The following HID1 variants were observed in gnomAD, a reference collection of about 807,000 sequenced individuals.
HID1 encodes HID1 domain containing, also known as protein HID1.
In HID1, 42 loss-of-function variants were observed where a neutral mutation model predicts 89.7. That is an observed-to-expected ratio of 0.47 (90% confidence interval 0.37 to 0.61). HID1 has a LOEUF of 0.61. Ranked by LOEUF, HID1 falls within the 20% of genes least tolerant of loss-of-function variation. The pLI is 0.00. For missense variants in HID1, 854 were observed against 1,039.3 expected (o/e 0.82, Z 2.45); for synonymous variants, 442 against 433.8 (o/e 1.02, Z -0.24).
In HID1 at chr17:74,958,627, C is replaced by G; in HGVS notation, c.1240+46G>C. 1.3e-6 allele frequency: 2 copies of G among 1,598,674 alleles called. No homozygotes were observed. The highest frequency in any genetic ancestry group is 4.5e-5 in the East Asian group (2 of 44,726). The stretch of plus-strand genomic sequence containing the variant: ...AGGGCAGATAGCCAGCCCTCCACCT[C>G]GCCGCCAGGAAAGCCCCCAGCATCC... On this transcript the variant is annotated intron_variant, in intron 10 of 18. Transcript: ENST00000425042. The surrounding 1 kb of genome is among the most constrained non-coding windows in gnomAD (Gnocchi z 5.2).
intron 2 of HID1, 36 bp from the exon 3 acceptor site, chr17:74,963,946 A>C: frequency 6.2e-7 from 1 of 1,610,300 alleles, no homozygotes; most frequent in Non-Finnish European, 8.5e-7. Context: ...GCAGGCTGGA[A>C]GGTGGGGAAA....
Position 74,958,195 on chromosome 17 carries a change from C to T in HID1, c.1417G>A (p.Gly473Arg), listed in dbSNP as rs986756577. 5.6e-6 allele frequency: 9 copies of T among 1,611,112 alleles called. No homozygotes were observed. Among genetic ancestry groups the T allele is most frequent in the African/African-American group, 4.0e-5 (3 of 74,854 alleles). Residue 473 changes from glycine to arginine, a missense_variant, in exon 12 of 19, where the codon GGG becomes AGG. Transcript: ENST00000425042. This position sits in a 1 kb window ranked among gnomAD's most constrained non-coding sequence, Gnocchi z 5.2. ...AAGAGGGGCTGCAACCGCTGGTGCC[C>T]GCTGGTGATGATCTTGTGGAACACC... ...IVVFHKIITS[G>R]HQRLQPLFDC...
In HID1 at chr17:74,953,449, G is replaced by A. The variant is rs544451443; in HGVS notation, c.1971+96C>T. ...CTGGGTAACTGCCCCTCTGCTGCAG[G>A]TGACCCCAGAGTGCCCCGGCCCAGC... On this transcript the variant is annotated intron_variant, in intron 15 of 18. Coordinates refer to ENST00000425042, the MANE Select transcript of HID1 (RefSeq NM_030630.3). 5.4e-6 allele frequency: 5 copies of A among 934,348 alleles called. No individual in the cohort carries two copies. In the East Asian group the frequency reaches 1.3e-4, roughly 25 times the overall value. 57.9% of individuals were successfully genotyped at this position (934,348 alleles called of 1,614,324 possible). A position where few individuals can be genotyped will look rare whatever the true frequency, so the allele number is the denominator to read the frequency against.
At chr17:74,953,693 T>C in intron 14 of HID1, 42 bp from the exon 15 acceptor site, 1 of 1,500,058 alleles carries the variant, frequency 6.7e-7, no homozygotes, top group Non-Finnish European at 9.3e-7. Flanking sequence ...CCTGCCACAG[T>C]GACCCTTCTA....
chr17:74,951,935 C>G lies in HID1; in HGVS notation c.2273G>C (p.Arg758Pro). ...QANSGTAMWF[R>P]TYMWGVIYLR... is the part of the protein sequence containing the mutation. ...ATAGATGACGCCCCACATGTAGGTGCGGAACCACATGGCAGTGCCCGAGTT... is the reference window on the plus strand; with the variant it reads ...ATAGATGACGCCCCACATGTAGGTGGGGAACCACATGGCAGTGCCCGAGTT... The change falls in exon 18 of 19, where the codon CGC (arginine) becomes CCC (proline). Residue 758 changes from arginine to proline, a missense_variant. Transcript: ENST00000425042. 1 of 1,550,888 alleles carries G rather than the reference C, an allele frequency of 6.4e-7. No homozygotes were observed. The highest frequency in any genetic ancestry group is 1.2e-5 in the South Asian group (1 of 81,612).
chr17:74,963,693 G>C, intron 3 of HID1, 47 bp downstream of exon 3: 3 of 1,536,646 alleles, frequency 2.0e-6, no homozygotes, highest in Non-Finnish European at 2.6e-6. Context: ...CGCTCTCCCT[G>C]TGACGCCAAC....
intron 1 of HID1, chr17:74,967,778 A>G (rs906540728): frequency 6.6e-6 from 1 of 152,152 alleles, no homozygotes; most frequent in African/African-American, 2.4e-5. Flanking sequence ...GCCTAAGCCC[A>G]GGAAGCTGCA....
intron 16 of HID1, among the ~76,000 whole-genome samples, chr17:74,952,805 C>A (rs2039324810): frequency 6.6e-6 from 1 of 152,162 alleles, no homozygotes. Flanking sequence ...AGCAACCGAG[C>A]CAGAGAGGCT....
chr17:74,958,342 G>A lies in HID1; in HGVS notation c.1377C>T (p.Ala459=), dbSNP rs1478156522. 4.3e-6 allele frequency: 7 copies of A among 1,613,122 alleles called. No homozygotes were observed. The highest frequency in any genetic ancestry group is 2.2e-5 in the East Asian group (1 of 44,874). The change falls in exon 11 of 19, where the codon GCC becomes GCT. Residue 459 remains alanine, a synonymous_variant. Coordinates refer to ENST00000425042, the MANE Select transcript of HID1 (RefSeq NM_030630.3). This position sits in a 1 kb window ranked among gnomAD's most constrained non-coding sequence, Gnocchi z 5.2. ...MDIPVFTGTH[A]DLLIVVFHKI... ...GCCCCCTCACCACAATGAGCAGGTC[G>A]GCGTGGGTCCCTGTGAAGACTGGGA...
rs755538333 is a variant in HID1, at chr17:74,951,672, C to A, written c.2304-39G>T. 2.5e-6 allele frequency: 4 copies of A among 1,587,414 alleles called. No homozygotes were observed. The South Asian group carries it at 3.4e-5, about 13-fold the overall frequency. On this transcript the variant is annotated intron_variant, in intron 18 of 18. Transcript: ENST00000425042. Reference sequence around the variant, plus strand: ...GGGGGGTTACCCAGGTGCTGGGGCACCTTGCAGACAAGGCACCAGGAGGAG... The same window carrying A: ...GGGGGGTTACCCAGGTGCTGGGGCAACTTGCAGACAAGGCACCAGGAGGAG...
In HID1 at chr17:74,951,055, G is replaced by C. The variant is rs990738007; in HGVS notation, c.*515C>G. ...GTGCCCCAGTCTGGCTTTTGCAGTC[G>C]GCCAGCTCCCAGCCTCCTCGAGGAG... On this transcript the variant is annotated 3_prime_UTR_variant, in exon 19 of 19. Coordinates refer to ENST00000425042, the MANE Select transcript of HID1 (RefSeq NM_030630.3). 2 of 153,988 alleles carry C rather than the reference G, an allele frequency of 1.3e-5. 1 individual carries two copies. The highest frequency in any genetic ancestry group is 1.3e-4 in the Admixed American group (2 of 15,396). 9.5% of individuals were successfully genotyped at this position (153,988 alleles called of 1,614,324 possible).
Position 74,962,008 on chromosome 17 carries a change from A to G in HID1, c.612-19T>C, listed in dbSNP as rs1486599368. The G allele has an allele frequency of 6.6e-7, 1 of 1,507,324 alleles. No homozygotes were observed. Among genetic ancestry groups the G allele is most frequent in the Non-Finnish European group, 9.0e-7 (1 of 1,115,496 alleles). 93.4% of individuals were successfully genotyped at this position (1,507,324 alleles called of 1,614,324 possible). Reference sequence around the variant, plus strand: ...CTCCATCCTTGTAGGAGGAAGGGGGAGGGCACCTTAGGATCCCAGTCCCCT... The same window carrying G: ...CTCCATCCTTGTAGGAGGAAGGGGGGGGGCACCTTAGGATCCCAGTCCCCT... On this transcript the variant is annotated intron_variant, in intron 5 of 18. Transcript: ENST00000425042. This position sits in a 1 kb window ranked among gnomAD's most constrained non-coding sequence, Gnocchi z 4.3.
intron 18 of HID1, 73 bp from the exon 19 acceptor site, chr17:74,951,706 C>T (rs1010761630): frequency 6.7e-7 from 1 of 1,490,240 alleles, no homozygotes; most frequent in Non-Finnish European, 9.2e-7. Flanking sequence ...AGCTGGGCAG[C>T]AGGAATGGCC....
chr17:74,957,213 C>A (rs920271116), intron 12 of HID1, among the ~76,000 whole-genome samples: 1 of 152,024 alleles, frequency 6.6e-6, no homozygotes, highest in Non-Finnish European at 1.5e-5. Flanking sequence ...GTGGTTCACA[C>A]CTGTAACCCC....
intron 1 of HID1, among the ~76,000 whole-genome samples, chr17:74,971,416 C>T (rs946026699): frequency 2.0e-5 from 3 of 152,184 alleles, no homozygotes; most frequent in Non-Finnish European, 4.4e-5. Flanking sequence ...GCCTTTCAGC[C>T]GGGGTTGGAC....
chr17:74,959,132 C>A lies in HID1; in HGVS notation c.1009-81G>T, dbSNP rs902727. 7.1e-7 allele frequency: 1 copy of A among 1,403,662 alleles called. No individual in the cohort carries two copies. The highest frequency in any genetic ancestry group is 9.4e-7 in the Non-Finnish European group (1 of 1,067,336). 87.0% of individuals were successfully genotyped at this position (1,403,662 alleles called of 1,614,324 possible). On this transcript the variant is annotated intron_variant, in intron 8 of 18. Transcript: ENST00000425042. This position sits in a 1 kb window ranked among gnomAD's most constrained non-coding sequence, Gnocchi z 4.6. ...TTCCCAGCCCAGGCCCCCAACAAAT[C>A]CCCCCCTCCATCCCCCAGAGCCAGA... is the stretch of plus-strand genomic sequence containing the variant.
chr17:74,961,059 T>A (rs911032471), intron 6 of HID1, among the ~76,000 whole-genome samples: 1 of 151,046 alleles, frequency 6.6e-6, no homozygotes, highest in Non-Finnish European at 1.5e-5. Flanking sequence ...AGCTGCAGAG[T>A]CCCACACAGC....
intron 1 of HID1, among the ~76,000 whole-genome samples, chr17:74,965,784 G>T (rs2039553347): frequency 6.6e-6 from 1 of 151,330 alleles, no homozygotes; most frequent in African/African-American, 2.4e-5. Flanking sequence ...AGGCGTGGTG[G>T]CAGGCGCCTG....
Position 74,958,153 on chromosome 17 carries a change from T to C in HID1, c.1459A>G (p.Ile487Val). 1 of 1,609,258 alleles carries C rather than the reference T, an allele frequency of 6.2e-7. No homozygotes were observed. The highest frequency in any genetic ancestry group is 8.5e-7 in the Non-Finnish European group (1 of 1,178,270). ...LQPLFDCLLT[I>V]VVNVSPYLKS... ...TCCGGGCCCCTACCGTTGACCACGA[T>C]GGTGAGCAGGCAGTCGAAGAGGGGC... Residue 487 changes from isoleucine (I) to valine (V), a missense_variant, in exon 12 of 19, where the codon ATC (isoleucine) becomes GTC (valine). Transcript: ENST00000425042. The surrounding 1 kb of genome is among the most constrained non-coding windows in gnomAD (Gnocchi z 5.2).
Sources: allele counts gnomAD v4.1 joint callset (sites outside exome capture counted in the v4.1 genomes callset), GRCh38; gene constraint gnomAD v4.1.1; non-coding constraint Gnocchi (gnomAD v3.1); transcripts MANE v1.5; gene names NCBI Gene and HGNC (gene_info 2026-07-23, HGNC 2026-07-21).